NRG3: variants seen among roughly 807,000 people sequenced by gnomAD.
NRG3 encodes neuregulin 3.
In NRG3, 31 loss-of-function variants were observed where a neutral mutation model predicts 66.9. The observed-to-expected ratio is 0.46, with a 90% CI of 0.35 to 0.63. NRG3 has a LOEUF of 0.63. Ranked by LOEUF, NRG3 falls within the 20% of genes least tolerant of loss-of-function variation. NRG3 has a pLI of 0.00. For missense variants in NRG3, 910 were observed against 878.9 expected (o/e 1.04, Z -0.45); for synonymous variants, 393 against 359.4 (o/e 1.09, Z -1.06).
intron 1 of NRG3, among the ~76,000 whole-genome samples, chr10:82,304,258 A>G (rs1255331843): frequency 2.0e-5 from 3 of 152,104 alleles, no homozygotes; most frequent in African/African-American, 7.2e-5. Flanking sequence ...TGTGACTGGA[A>G]TCTTTTCATA....
chr10:82,695,257 T>C (rs903734558), intron 2 of NRG3, among the ~76,000 whole-genome samples: 1 of 152,166 alleles, frequency 6.6e-6, no homozygotes, highest in African/African-American at 2.4e-5. Context: ...AATCATTTAA[T>C]GTCCCATCTA....
chr10:82,523,455 G>T (rs549956363), intron 2 of NRG3, among the ~76,000 whole-genome samples: 7 of 151,896 alleles, frequency 4.6e-5, no homozygotes, highest in Non-Finnish European at 8.8e-5. Context: ...GTTTTGATTT[G>T]TATTTCTCTG....
chr10:82,404,116 C>A (rs986021513), intron 2 of NRG3, among the ~76,000 whole-genome samples: 1 of 152,104 alleles, frequency 6.6e-6, no homozygotes. Flanking sequence ...GGTTTTTATT[C>A]TTTCCAAGTA....
intron 1 of NRG3, among the ~76,000 whole-genome samples, chr10:81,989,174 A>G (rs2060640515): frequency 6.6e-6 from 1 of 152,202 alleles, no homozygotes; most frequent in South Asian, 2.1e-4. Context: ...CATTAACTAC[A>G]TTGGGAGACT....
chr10:82,524,878 T>C (rs1365959836), intron 2 of NRG3, among the ~76,000 whole-genome samples: 1 of 151,892 alleles, frequency 6.6e-6, no homozygotes, highest in East Asian at 1.9e-4. Context: ...TCTACATTTT[T>C]ATATTTATTG....
At chr10:82,920,841 G>T (rs2132062145) in intron 4 of NRG3, among the ~76,000 whole-genome samples, 1 of 152,230 alleles carries the variant, frequency 6.6e-6, no homozygotes, top group East Asian at 1.9e-4. Context: ...GTAACCCAGT[G>T]TATTAAATGG....
In NRG3 at chr10:82,111,223, A is replaced by G. The variant is rs11192556; in HGVS notation, c.823+235060A>G. 8.6e-4 allele frequency among the ~76,000 whole-genome samples: 131 copies of G among 152,264 alleles called. 2 individuals are homozygous for G. In the East Asian group the frequency reaches 0.024, roughly 28 times the overall value. ...CTTTATTCAGAAAGCTTATACTTGA[A>G]TTATCTTCTTGAACATCTTATCACT... On this transcript the variant is annotated intron_variant, in intron 1 of 8. Coordinates refer to ENST00000372141, the MANE Select transcript of NRG3 (RefSeq NM_001010848.4).
chr10:82,272,821 C>T (rs972628026), intron 1 of NRG3, among the ~76,000 whole-genome samples: 3 of 151,980 alleles, frequency 2.0e-5, no homozygotes, highest in African/African-American at 4.8e-5. Flanking sequence ...AAGATATTAA[C>T]GTAGAGATTT....
At chr10:82,440,362 ATT>A (rs5786552) in intron 2 of NRG3, among the ~76,000 whole-genome samples, 1 of 136,246 alleles carries the variant, frequency 7.3e-6, no homozygotes. Context: ...TGCCTGTTTG[ATT>A]TTTTTTTTTT....
chr10:82,559,920 A>T lies in NRG3; in HGVS notation c.954-178657A>T, dbSNP rs183252073. Among the ~76,000 whole-genome samples, 79 of 152,208 alleles carry T rather than the reference A, an allele frequency of 5.2e-4. 1 individual carries two copies. Among genetic ancestry groups the T allele is most frequent in the Admixed American group, 2.7e-3 (41 of 15,272 alleles). ...ATATAAAGTATTAAAACACTTGTAA[A>T]TAAAAAATTTACAAGTTTTGTTTTG... On this transcript the variant is annotated intron_variant, in intron 2 of 8. Coordinates refer to ENST00000372141, the MANE Select transcript of NRG3 (RefSeq NM_001010848.4).
In NRG3 at chr10:82,985,684, C is replaced by T; in HGVS notation, c.*79C>T. ...AAATCAAATACAAATTATTTATATGCATTAATTTAAGAGCATCTACTTAGA... is the reference window on the plus strand; with the variant it reads ...AAATCAAATACAAATTATTTATATGTATTAATTTAAGAGCATCTACTTAGA... On this transcript the variant is annotated 3_prime_UTR_variant, in exon 9 of 9. Transcript: ENST00000372141. 1 of 1,443,744 alleles carries T rather than the reference C, an allele frequency of 6.9e-7. No homozygotes were observed. The allele number at this position is 1,443,744 out of a possible 1,614,324, so 89.4% of individuals were successfully genotyped here.
At chr10:82,301,971 T>C (rs539480432) in intron 1 of NRG3, among the ~76,000 whole-genome samples, 93 of 152,084 alleles carry the variant, frequency 6.1e-4, no homozygotes, top group African/African-American at 2.0e-3. Context: ...ATATGAAAAT[T>C]GACTCCATTT....
intron 3 of NRG3, among the ~76,000 whole-genome samples, chr10:82,777,059 T>C (rs1280162598): frequency 6.6e-6 from 1 of 152,212 alleles, no homozygotes; most frequent in Non-Finnish European, 1.5e-5. Flanking sequence ...ATTTTATAGA[T>C]TGTTTTTTGT....
intron 4 of NRG3, among the ~76,000 whole-genome samples, chr10:82,916,895 C>T (rs553188115): frequency 3.9e-5 from 6 of 152,290 alleles, no homozygotes; most frequent in African/African-American, 9.6e-5. Context: ...GGATTACAGG[C>T]GTAAGCCACT....
intron 1 of NRG3, among the ~76,000 whole-genome samples, chr10:81,997,947 G>A (rs903175669): frequency 4.0e-5 from 6 of 150,260 alleles, no homozygotes; most frequent in African/African-American, 1.5e-4. Context: ...TTCCAGCCCA[G>A]TTTCTTCCAT....
In NRG3 at chr10:82,975,303, C is replaced by A. The variant is rs116553090; in HGVS notation, c.1412+1388C>A. On this transcript the variant is annotated intron_variant, in intron 7 of 8. Transcript: ENST00000372141. ...TAGTATTCCACCTAGTCAAGTAATT[C>A]AGTATAATATCATTCTAGTATTATA... Among the ~76,000 whole-genome samples the A allele has an allele frequency of 3.3e-3, 505 of 152,266 alleles. 1 individual carries two copies. Among genetic ancestry groups the A allele is most frequent in the African/African-American group, 0.012 (485 of 41,552 alleles).
chr10:82,556,307 A>G (rs757611677), intron 2 of NRG3, among the ~76,000 whole-genome samples: 8 of 152,114 alleles, frequency 5.3e-5, no homozygotes, highest in Non-Finnish European at 8.8e-5. Flanking sequence ...GAGTTAAGTT[A>G]CAATCTTAGA....
At chr10:81,898,857 G>A (rs1016535957) in intron 1 of NRG3, among the ~76,000 whole-genome samples, 1 of 152,108 alleles carries the variant, frequency 6.6e-6, no homozygotes, top group Admixed American at 6.5e-5. Context: ...CAGGTTTAAA[G>A]TTATGTATAA....
At chr10:82,408,126 A>G (rs1011480634) in intron 2 of NRG3, among the ~76,000 whole-genome samples, 2 of 143,978 alleles carry the variant, frequency 1.4e-5, no homozygotes, top group Admixed American at 7.1e-5. Context: ...AAAGAAAGAA[A>G]GAAAGAAAGA....
Sources: allele counts gnomAD v4.1 joint callset (sites outside exome capture counted in the v4.1 genomes callset), GRCh38; gene constraint gnomAD v4.1.1; transcripts MANE v1.5; gene names NCBI Gene and HGNC (gene_info 2026-07-23, HGNC 2026-07-21).